The following CNTN5 variants were observed in gnomAD, a reference collection of about 807,000 sequenced individuals.
The protein encoded by CNTN5 is contactin-5.
A neutral mutation model predicts 129.1 loss-of-function variants in CNTN5; 77 were observed. The ratio of observed to expected loss-of-function variants is 0.60; its 90% CI spans 0.50 to 0.72. The LOEUF is 0.72. Ranked by LOEUF, CNTN5 falls within the 30% of genes least tolerant of loss-of-function variation. The pLI, the probability that CNTN5 is intolerant of heterozygous loss-of-function variation, is 0.00. For synonymous variants in CNTN5, 509 were observed against 465.6 expected (o/e 1.09, Z -1.20); for missense variants, 1,478 against 1,328.8 (o/e 1.11, Z -1.75).
intron 3 of CNTN5, among the ~76,000 whole-genome samples, chr11:99,629,929 C>A (rs115209378): frequency 6.6e-6 from 1 of 151,164 alleles, no homozygotes; most frequent in Non-Finnish European, 1.5e-5. Flanking sequence ...TATTTATGCT[C>A]AGATTATTAT....
At chr11:99,983,224 G>A (rs933478732) in intron 8 of CNTN5, among the ~76,000 whole-genome samples, 4 of 152,206 alleles carry the variant, frequency 2.6e-5, no homozygotes, top group African/African-American at 9.7e-5. Flanking sequence ...ATGAATTTGA[G>A]TATGGTTTTA....
At chr11:99,034,347 C>G (rs886120619) in intron 1 of CNTN5, among the ~76,000 whole-genome samples, 13 of 151,842 alleles carry the variant, frequency 8.6e-5, no homozygotes, top group Admixed American at 3.9e-4. Flanking sequence ...AGGAATGGTA[C>G]CAGTTCCTCC....
intron 17 of CNTN5, among the ~76,000 whole-genome samples, 159 bp from the exon 18 acceptor site, chr11:100,270,933 T>C (rs1950396373): frequency 6.6e-6 from 1 of 152,234 alleles, no homozygotes; most frequent in Non-Finnish European, 1.5e-5. Context: ...AGATTGATTT[T>C]CATTTTACTA....
In CNTN5 at chr11:100,134,883, A is replaced by G. The variant is rs563474072; in HGVS notation, c.1581-56243A>G. ...TATTGTTTTCTGCACTACTCCAAAC[A>G]TGAGGACATTGCAATTATTTGTTCA... On this transcript the variant is annotated intron_variant, in intron 13 of 24. Transcript: ENST00000524871. 1.4e-4 allele frequency among the ~76,000 whole-genome samples: 21 copies of G among 152,256 alleles called. No homozygotes were observed. In the South Asian group the frequency reaches 3.9e-3, roughly 29 times the overall value.
chr11:99,678,057 T>A (rs937005909), intron 3 of CNTN5, among the ~76,000 whole-genome samples: 1 of 152,200 alleles, frequency 6.6e-6, no homozygotes, highest in Admixed American at 6.6e-5. Flanking sequence ...TTGATACTTA[T>A]ATGTTTTTAT....
chr11:99,476,978 G>A (rs1045152298), intron 2 of CNTN5, among the ~76,000 whole-genome samples: 3 of 151,362 alleles, frequency 2.0e-5, no homozygotes, highest in African/African-American at 7.3e-5. Flanking sequence ...TTATTTTTGT[G>A]GTTTTGCTTT....
chr11:99,169,913 C>G (rs140129183), intron 1 of CNTN5, among the ~76,000 whole-genome samples: 149 of 152,032 alleles, frequency 9.8e-4, no homozygotes, highest in African/African-American at 3.3e-3. Flanking sequence ...GTAAATATTT[C>G]AGTTAAATAA....
At chr11:100,090,005 T>C (rs1423532301) in intron 13 of CNTN5, among the ~76,000 whole-genome samples, 2 of 152,240 alleles carry the variant, frequency 1.3e-5, no homozygotes, top group East Asian at 1.9e-4. Context: ...CGTTTACCTA[T>C]GTAACAAGCC....
intron 1 of CNTN5, among the ~76,000 whole-genome samples, chr11:99,294,838 A>T (rs1030034549): frequency 3.9e-5 from 6 of 152,194 alleles, no homozygotes; most frequent in Non-Finnish European, 8.8e-5. Context: ...GATTGGCAGA[A>T]TTCTGAAGTT....
At chr11:99,547,817 A>T (rs1186438929) in intron 2 of CNTN5, among the ~76,000 whole-genome samples, 2 of 152,172 alleles carry the variant, frequency 1.3e-5, no homozygotes, top group Admixed American at 6.5e-5. Flanking sequence ...TTGACTCATT[A>T]TTCTTTCAGA....
At chr11:99,751,046 G>A (rs528483062) in intron 3 of CNTN5, among the ~76,000 whole-genome samples, 38 of 152,232 alleles carry the variant, frequency 2.5e-4, no homozygotes, top group South Asian at 1.2e-3. Flanking sequence ...CATCCCTCAC[G>A]ATTATAACTT....
intron 18 of CNTN5, among the ~76,000 whole-genome samples, chr11:100,286,062 G>T (rs574302999): frequency 6.6e-6 from 1 of 152,184 alleles, no homozygotes; most frequent in African/African-American, 2.4e-5. Flanking sequence ...TTAAAAAACG[G>T]CCCAACACGA....
intron 2 of CNTN5, among the ~76,000 whole-genome samples, chr11:99,491,665 GAGA>G (rs1946041649): frequency 6.6e-6 from 1 of 152,096 alleles, no homozygotes; most frequent in South Asian, 2.1e-4. Context: ...ATATTTCCTT[GAGA>G]AGGACTCTTA....
chr11:99,124,879 A>G (rs1361565464), intron 1 of CNTN5, among the ~76,000 whole-genome samples: 3 of 152,048 alleles, frequency 2.0e-5, no homozygotes, highest in African/African-American at 7.2e-5. Context: ...AAATGAATAA[A>G]TTCCTGGACA....
At chr11:99,653,594 A>G (rs1393980974) in intron 3 of CNTN5, among the ~76,000 whole-genome samples, 3 of 151,374 alleles carry the variant, frequency 2.0e-5, no homozygotes, top group Non-Finnish European at 4.4e-5. Flanking sequence ...GTGAGGGGGG[A>G]AAATGCTTAT....
intron 23 of CNTN5, among the ~76,000 whole-genome samples, chr11:100,341,786 T>C (rs1345433923): frequency 6.6e-6 from 1 of 152,182 alleles, no homozygotes; most frequent in Non-Finnish European, 1.5e-5. Context: ...TATCTGATTT[T>C]TAAATATATG....
intron 2 of CNTN5, among the ~76,000 whole-genome samples, chr11:99,390,343 C>T (rs1941194682): frequency 6.6e-6 from 1 of 152,022 alleles, no homozygotes; most frequent in African/African-American, 2.4e-5. Flanking sequence ...GGTCTTGAAC[C>T]CATGGCTCAA....
chr11:99,601,116 A>T (rs1459177883), intron 3 of CNTN5, among the ~76,000 whole-genome samples: 3 of 152,188 alleles, frequency 2.0e-5, no homozygotes, highest in Admixed American at 2.0e-4. Flanking sequence ...GAAGGTTTTT[A>T]ATAAGTATTT....
intron 1 of CNTN5, among the ~76,000 whole-genome samples, chr11:99,100,224 C>T (rs1012219727): frequency 7.2e-5 from 11 of 152,124 alleles, no homozygotes; most frequent in African/African-American, 2.6e-4. Flanking sequence ...TTTTTTCTCT[C>T]TCTCTCTTTC....
Sources: gnomAD v4.1 joint callset for allele counts (sites outside exome capture counted in the v4.1 genomes callset) on GRCh38, gnomAD v4.1.1 for gene constraint, MANE v1.5 for transcripts, NCBI Gene and HGNC (gene_info 2026-07-23, HGNC 2026-07-21) for gene names.